Variants in LRRIQ1 observed in about 807,000 individuals in gnomAD.
The protein encoded by LRRIQ1 is leucine rich repeats and IQ motif containing 1.
In LRRIQ1, 210 loss-of-function variants were observed where a neutral mutation model predicts 211.9. The ratio of observed to expected loss-of-function variants is 0.99; its 90% CI spans 0.89 to 1.11. The LOEUF (loss-of-function observed/expected upper bound fraction) is 1.11, where lower values mean the gene tolerates loss of function less well. LRRIQ1 is among the 50% of genes most tolerant of loss of function. The probability of loss-of-function intolerance (pLI) is 0.00; values close to 1 mark genes in which losing one functional copy is unlikely to be tolerated. For synonymous variants in LRRIQ1, 699 were observed against 650.1 expected (o/e 1.08, Z -1.14); for missense variants, 2,136 against 1,939.5 (o/e 1.10, Z -1.90).
chr12:85,087,106 C>T (rs1163905462), intron 11 of LRRIQ1, among the ~76,000 whole-genome samples: 5 of 151,954 alleles, frequency 3.3e-5, no homozygotes, highest in South Asian at 2.1e-4. Context: ...CCCCACCCCA[C>T]GACAGGCCCT....
chr12:85,106,639 A>G (rs1886805665), intron 15 of LRRIQ1, 24 bp downstream of exon 15: 1 of 1,439,108 alleles, frequency 6.9e-7, no homozygotes, highest in South Asian at 1.2e-5. Context: ...GTTGCACCCC[A>G]TGTATATCCA....
chr12:85,254,830 A>C (rs977055064), intron 1 of LRRIQ1, among the ~76,000 whole-genome samples: 3 of 152,058 alleles, frequency 2.0e-5, no homozygotes, highest in Non-Finnish European at 4.4e-5. Flanking sequence ...TCATTCAAAT[A>C]TGAATATTCT....
chr12:85,216,830 A>G (rs1397790428), intron 24 of LRRIQ1, among the ~76,000 whole-genome samples: 1 of 151,932 alleles, frequency 6.6e-6, no homozygotes, highest in Non-Finnish European at 1.5e-5. Context: ...ATTCTGCTAC[A>G]TAAAATAAAA....
intron 8 of LRRIQ1, among the ~76,000 whole-genome samples, chr12:85,060,940 A>C (rs2136024696): frequency 6.6e-6 from 1 of 151,966 alleles, no homozygotes; most frequent in Non-Finnish European, 1.5e-5. Context: ...TAAGTAGAAA[A>C]TTGATTTGGA....
At position 85,107,201 on chromosome 12, in the gene LRRIQ1, GACC is replaced by G. The variant is rs148189861; in HGVS notation, c.3377+591_3377+593del. ...ATACTAACACGATTTCCCCCAAATT[GACC>G]ACCATCTTTTTTCAAAAATTAGCTA... On this transcript the variant is annotated intron_variant, in intron 15 of 26. Coordinates refer to ENST00000393217, the MANE Select transcript of LRRIQ1 (RefSeq NM_001079910.2). Among the ~76,000 whole-genome samples the G allele has an allele frequency of 5.9e-5, 9 of 151,940 alleles. No individual in the cohort carries two copies. The East Asian group carries it at 1.2e-3, about 20-fold the overall frequency.
chr12:85,103,865 T>C (rs979906490), intron 13 of LRRIQ1, 139 bp from the exon 14 acceptor site: 86 of 334,088 alleles, frequency 2.6e-4, no homozygotes, highest in Non-Finnish European at 1.8e-4. Flanking sequence ...TGTACAATTA[T>C]AATTGTATAT....
intron 8 of LRRIQ1, among the ~76,000 whole-genome samples, chr12:85,064,526 G>A (rs1882215961): frequency 6.6e-6 from 1 of 151,628 alleles, no homozygotes; most frequent in Non-Finnish European, 1.5e-5. Flanking sequence ...TTAACTTGAT[G>A]TAATTCCATT....
intron 15 of LRRIQ1, among the ~76,000 whole-genome samples, chr12:85,115,088 A>T (rs897729275): frequency 5.3e-5 from 8 of 152,160 alleles, no homozygotes. Flanking sequence ...TCATTCATTC[A>T]TGATTAATAG....
chr12:85,052,079 A>G, intron 6 of LRRIQ1, 98 bp from the exon 7 acceptor site: 1 of 687,834 alleles, frequency 1.5e-6, no homozygotes, highest in Non-Finnish European at 2.3e-6. Flanking sequence ...GTCAGCTTTA[A>G]CTATTGTTTA....
At chr12:85,071,367 T>C (rs1179545595) in intron 10 of LRRIQ1, among the ~76,000 whole-genome samples, 1 of 152,004 alleles carries the variant, frequency 6.6e-6, no homozygotes, top group East Asian at 1.9e-4. Context: ...ATGGAACTTA[T>C]AATTATTTTT....
chr12:85,038,466 C>T (rs1264112463), intron 2 of LRRIQ1, among the ~76,000 whole-genome samples, 158 bp downstream of exon 2: 1 of 151,464 alleles, frequency 6.6e-6, no homozygotes, highest in African/African-American at 2.4e-5. Context: ...GTCACCTATA[C>T]ATCTTCGTAA....
At chr12:85,225,584 G>T (rs1286351173) in intron 24 of LRRIQ1, among the ~76,000 whole-genome samples, 2 of 152,134 alleles carry the variant, frequency 1.3e-5, no homozygotes, top group East Asian at 3.8e-4. Flanking sequence ...TATATAAACA[G>T]TAGTAACTGG....
intron 24 of LRRIQ1, among the ~76,000 whole-genome samples, chr12:85,183,027 A>G (rs977794164): frequency 2.0e-5 from 3 of 152,208 alleles, no homozygotes; most frequent in Non-Finnish European, 2.9e-5. Context: ...CTTTGGTTAC[A>G]TAGTTTTAAT....
chr12:85,152,177 C>T, intron 19 of LRRIQ1, 103 bp from the exon 20 acceptor site: 1 of 867,952 alleles, frequency 1.2e-6, no homozygotes. Context: ...AATAAAAATT[C>T]TGATATACTT....
At chr12:85,071,686 A>G (rs1883097566) in intron 10 of LRRIQ1, among the ~76,000 whole-genome samples, 1 of 152,070 alleles carries the variant, frequency 6.6e-6, no homozygotes, top group African/African-American at 2.4e-5. Context: ...TAATAGACTC[A>G]CAGTTCCACA....
At chr12:85,202,734 A>C (rs889706991) in intron 24 of LRRIQ1, among the ~76,000 whole-genome samples, 12 of 152,130 alleles carry the variant, frequency 7.9e-5, no homozygotes, top group African/African-American at 2.4e-4. Context: ...GCTTCTTTAT[A>C]CAGCTTGCCA....
intron 19 of LRRIQ1, among the ~76,000 whole-genome samples, chr12:85,151,124 A>G (rs1199312270): frequency 1.3e-5 from 2 of 151,354 alleles, no homozygotes; most frequent in Non-Finnish European, 3.0e-5. Context: ...TAAACCATAT[A>G]TAACTATGAT....
chr12:85,068,562 C>T (rs1882699353), intron 10 of LRRIQ1, among the ~76,000 whole-genome samples: 1 of 151,778 alleles, frequency 6.6e-6, no homozygotes, highest in Non-Finnish European at 1.5e-5. Flanking sequence ...TTCCTTCATA[C>T]TTCAGGAGAC....
At chr12:85,045,507 G>A (rs927236844) in intron 4 of LRRIQ1, among the ~76,000 whole-genome samples, 4 of 151,472 alleles carry the variant, frequency 2.6e-5, no homozygotes, top group Non-Finnish European at 5.9e-5. Context: ...TTATTATACT[G>A]TTACTTCCTT....
Sources: allele counts gnomAD v4.1 joint callset (sites outside exome capture counted in the v4.1 genomes callset), GRCh38; gene constraint gnomAD v4.1.1; transcripts MANE v1.5; gene names NCBI Gene and HGNC (gene_info 2026-07-23, HGNC 2026-07-21).